The following HINT3 variants were observed in gnomAD, a reference collection of about 807,000 sequenced individuals.
The protein encoded by HINT3 is adenosine 5'-monophosphoramidase HINT3.
HINT3 carries 16 observed loss-of-function variants against 19.1 expected under a neutral mutation model. That is an observed-to-expected ratio of 0.84 (90% CI 0.57 to 1.27). The LOEUF is 1.27. HINT3 is among the 50% of genes most tolerant of loss of function. HINT3 has a pLI of 0.00. For synonymous variants in HINT3, 75 were observed against 84.8 expected (o/e 0.88, Z 0.63); for missense variants, 197 against 225.8 (o/e 0.87, Z 0.82).
At chr6:125,964,081 TGAG>T (rs1395597300) in intron 1 of HINT3, among the ~76,000 whole-genome samples, 6 of 152,176 alleles carry the variant, frequency 3.9e-5, no homozygotes, top group Non-Finnish European at 5.9e-5. Flanking sequence ...GCCCCACACT[TGAG>T]GAGCTTCCCT....
intron 1 of HINT3, 25 bp from the exon 2 acceptor site, chr6:125,966,862 C>A: frequency 1.4e-6 from 2 of 1,456,732 alleles, no homozygotes; most frequent in Non-Finnish European, 1.9e-6. Flanking sequence ...TTTAAAAATT[C>A]ACTAACAAAT....
Position 125,979,800 on chromosome 6 carries a change from A to G in HINT3, c.*2124A>G, listed in dbSNP as rs1789225253. ...GGTAAAGTATTTAAGGAATTCTCAG[A>G]TGCCTTATGGACCTCTTCAAAAATG... On this transcript the variant is annotated 3_prime_UTR_variant, in exon 5 of 5. Coordinates refer to ENST00000229633, the MANE Select transcript of HINT3 (RefSeq NM_138571.5). The G allele has an allele frequency of 6.6e-6, 1 of 152,180 alleles. No individual in the cohort carries two copies. Among genetic ancestry groups the G allele is most frequent in the Non-Finnish European group, 1.5e-5 (1 of 68,046 alleles). 9.4% of individuals were successfully genotyped at this position (152,180 alleles called of 1,614,324 possible).
At chr6:125,967,813 A>C (rs938721229) in intron 2 of HINT3, among the ~76,000 whole-genome samples, 1 of 152,174 alleles carries the variant, frequency 6.6e-6, no homozygotes, top group Admixed American at 6.5e-5. Context: ...TTTAATTATG[A>C]GTTTTTAGTG....
intron 1 of HINT3, among the ~76,000 whole-genome samples, chr6:125,958,420 C>T (rs771577469): frequency 2.6e-5 from 4 of 152,002 alleles, no homozygotes; most frequent in Admixed American, 6.5e-5. Context: ...GAAGATGTTG[C>T]GGAGTTATAG....
chr6:125,962,217 T>C lies in HINT3; in HGVS notation c.202-4670T>C, dbSNP rs1231638342. Among the ~76,000 whole-genome samples, 11 of 72,574 alleles carry C rather than the reference T, an allele frequency of 1.5e-4. 1 individual carries two copies. The highest frequency in any genetic ancestry group is 7.0e-4 in the Admixed American group (5 of 7,142). The allele number at this position is 72,574 out of a possible 152,430, so 47.6% of individuals were successfully genotyped here. A position where few individuals can be genotyped will look rare whatever the true frequency, so the allele number is the denominator to read the frequency against. On this transcript the variant is annotated intron_variant, in intron 1 of 4. Transcript: ENST00000229633. Reference sequence around the variant, plus strand: ...ATATATATATATATATATACACATATATATATATATATATATACACATATA... The same window carrying C: ...ATATATATATATATATATACACATACATATATATATATATATACACATATA...
At chr6:125,971,702 CT>C (rs142105115) in intron 2 of HINT3, among the ~76,000 whole-genome samples, 114 of 59,608 alleles carry the variant, frequency 1.9e-3, no homozygotes, top group African/African-American at 3.8e-3. Context: ...GCCTGGCTAC[CT>C]TTTTTTTTTT....
intron 3 of HINT3, among the ~76,000 whole-genome samples, chr6:125,973,024 T>C (rs1335150586): frequency 4.0e-5 from 6 of 151,518 alleles, no homozygotes; most frequent in African/African-American, 1.2e-4. Flanking sequence ...ATTTGTTGTC[T>C]GCTGAACTCT....
At chr6:125,965,125 G>C (rs1396742328) in intron 1 of HINT3, among the ~76,000 whole-genome samples, 1 of 152,150 alleles carries the variant, frequency 6.6e-6, no homozygotes, top group African/African-American at 2.4e-5. Flanking sequence ...TATAGAGGTT[G>C]GAAGACAAAA....
chr6:125,972,178 T>C (rs549652633), intron 2 of HINT3, 81 bp from the exon 3 acceptor site: 183 of 853,438 alleles, frequency 2.1e-4, no homozygotes, highest in South Asian at 4.4e-4. Flanking sequence ...ACCCATTTGA[T>C]AGGACAAGAG....
chr6:125,958,712 A>T (rs1788875210), intron 1 of HINT3, among the ~76,000 whole-genome samples: 1 of 152,156 alleles, frequency 6.6e-6, no homozygotes, highest in African/African-American at 2.4e-5. Flanking sequence ...ATGTATTGAG[A>T]TACTTTTGAT....
chr6:125,957,554 T>C (rs1475596803), intron 1 of HINT3, among the ~76,000 whole-genome samples: 1 of 152,150 alleles, frequency 6.6e-6, no homozygotes, highest in East Asian at 1.9e-4. Flanking sequence ...CAAGGATTCT[T>C]CTCCACCTTC....
chr6:125,976,549 T>C (rs1789181495), intron 4 of HINT3, among the ~76,000 whole-genome samples: 1 of 146,216 alleles, frequency 6.8e-6, no homozygotes, highest in Non-Finnish European at 1.5e-5. Flanking sequence ...GTTTGTGTAA[T>C]AGAAAATGCT....
chr6:125,975,971 G>C (rs1319690463), intron 4 of HINT3, among the ~76,000 whole-genome samples: 2 of 152,162 alleles, frequency 1.3e-5, no homozygotes, highest in African/African-American at 4.8e-5. Context: ...CTGAAAGTCA[G>C]CCCTTAGATA....
intron 1 of HINT3, among the ~76,000 whole-genome samples, chr6:125,958,703 T>C (rs1483718448): frequency 2.0e-5 from 3 of 152,196 alleles, no homozygotes; most frequent in Non-Finnish European, 4.4e-5. Flanking sequence ...CATTTTGCAA[T>C]GTATTGAGAT....
intron 4 of HINT3, among the ~76,000 whole-genome samples, chr6:125,975,820 C>T (rs532187174): frequency 6.6e-6 from 1 of 152,310 alleles, no homozygotes; most frequent in African/African-American, 2.4e-5. Context: ...TCATGATCCA[C>T]CCGCCTTGGT....
chr6:125,963,455 A>G (rs1052925640), intron 1 of HINT3, among the ~76,000 whole-genome samples: 78 of 152,202 alleles, frequency 5.1e-4, no homozygotes, highest in African/African-American at 4.8e-4. Context: ...AATATTTAGA[A>G]TGGAGGTTGA....
At chr6:125,960,751 A>C (rs370063715) in intron 1 of HINT3, among the ~76,000 whole-genome samples, 89 of 149,840 alleles carry the variant, frequency 5.9e-4, no homozygotes, top group Middle Eastern at 3.5e-3. Flanking sequence ...TAAAGACAGC[A>C]CCTGACAGGG....
chr6:125,962,375 G>C (rs1008055097), intron 1 of HINT3, among the ~76,000 whole-genome samples: 2 of 147,298 alleles, frequency 1.4e-5, no homozygotes, highest in Admixed American at 1.4e-4. Flanking sequence ...ATACAGATGC[G>C]TGTATAATAG....
chr6:125,975,051 G>A, intron 4 of HINT3, 78 bp downstream of exon 4: 1 of 1,392,050 alleles, frequency 7.2e-7, no homozygotes, highest in South Asian at 1.3e-5. Context: ...CTTCTCAACA[G>A]TAGGCACTTA....
Sources: allele counts gnomAD v4.1 joint callset (sites outside exome capture counted in the v4.1 genomes callset), GRCh38; gene constraint gnomAD v4.1.1; transcripts MANE v1.5; gene names NCBI Gene and HGNC (gene_info 2026-07-23, HGNC 2026-07-21).